Variants in NAV2 observed in about 807,000 individuals in gnomAD.
NAV2 encodes the protein helicase, APC down-regulated 1.
Under a neutral mutation model 223.2 loss-of-function variants are expected in NAV2, and 54 were observed. That is an observed-to-expected ratio of 0.24 (90% confidence interval 0.19 to 0.30). NAV2 has a LOEUF of 0.30. Among genes scored for constraint, NAV2 ranks in the 10% least tolerant of loss-of-function variants. The pLI, the probability that NAV2 is intolerant of heterozygous loss-of-function variation, is 1.00. For synonymous variants in NAV2, 1,279 were observed against 1,239.3 expected (o/e 1.03, Z -0.67); for missense variants, 2,806 against 3,147.5 (o/e 0.89, Z 2.60).
intron 1 of NAV2, among the ~76,000 whole-genome samples, chr11:19,465,210 T>C (rs376422675): frequency 4.6e-5 from 7 of 152,120 alleles, no homozygotes; most frequent in East Asian, 1.9e-4. Context: ...TCATTGCTCC[T>C]GAGGTTGTGT....
intron 1 of NAV2, chr11:19,777,936 A>G (rs1416013547): frequency 2.2e-6 from 1 of 455,386 alleles, no homozygotes; most frequent in Non-Finnish European, 4.4e-6. Flanking sequence ...ATGGCTATTG[A>G]TCTCTACTGC....
intron 1 of NAV2, among the ~76,000 whole-genome samples, chr11:19,558,118 T>G (rs546614304): frequency 2.7e-4 from 41 of 152,236 alleles, no homozygotes; most frequent in Non-Finnish European, 4.0e-4. Context: ...ATAACTTACT[T>G]AAGTTTTCTG....
At position 20,083,011 on chromosome 11, in the gene NAV2, G is replaced by A. The variant is rs1333833961; in HGVS notation, c.5330G>A (p.Arg1777His). 15 of 1,612,174 alleles carry A rather than the reference G, an allele frequency of 9.3e-6. No individual in the cohort carries two copies. The highest frequency in any genetic ancestry group is 1.7e-5 in the Admixed American group (1 of 59,920). The part of the protein sequence containing the change: ...SKKKKRKNWL[R>H]SSFKQAFGKK... ...CTGACAGTCTTGTATATTCAGTTAC[G>A]CAGCTCCTTCAAGCAAGCTTTCGGG... Residue 1777 changes from arginine to histidine, a missense_variant, in exon 26 of 38, where the codon CGC becomes CAC. Physicochemically the swap from Arg to His is conservative, Grantham distance 29. Transcript: ENST00000349880.
At chr11:19,679,282 T>A (rs1051997749) in intron 1 of NAV2, among the ~76,000 whole-genome samples, 2 of 151,986 alleles carry the variant, frequency 1.3e-5, no homozygotes, top group African/African-American at 2.4e-5. Context: ...AATACAAAAT[T>A]TATCTGGACG....
At chr11:19,916,612 C>T (rs911189276) in intron 6 of NAV2, among the ~76,000 whole-genome samples, 7 of 152,212 alleles carry the variant, frequency 4.6e-5, no homozygotes, top group South Asian at 2.1e-4. Flanking sequence ...GTATCACATA[C>T]TGGAGATAAA....
chr11:19,872,307 G>A (rs1347631306), intron 4 of NAV2, among the ~76,000 whole-genome samples: 1 of 152,106 alleles, frequency 6.6e-6, no homozygotes, highest in East Asian at 1.9e-4. Context: ...ACCTTATGGG[G>A]TCAGTATTAG....
At chr11:19,441,064 C>T (rs1321805658) in intron 1 of NAV2, among the ~76,000 whole-genome samples, 1 of 152,080 alleles carries the variant, frequency 6.6e-6, no homozygotes, top group East Asian at 1.9e-4. Flanking sequence ...TGGAAGGGCA[C>T]ATAAAGGAGA....
At chr11:19,668,164 A>T (rs2048470333) in intron 1 of NAV2, among the ~76,000 whole-genome samples, 1 of 152,190 alleles carries the variant, frequency 6.6e-6, no homozygotes, top group Non-Finnish European at 1.5e-5. Context: ...AATGTTACAA[A>T]AGAGAACATT....
intron 1 of NAV2, among the ~76,000 whole-genome samples, chr11:19,519,311 C>T (rs2043566992): frequency 6.6e-6 from 1 of 152,040 alleles, no homozygotes; most frequent in Non-Finnish European, 1.5e-5. Context: ...CACAGTTCTG[C>T]CTTCATGCAG....
intron 1 of NAV2, among the ~76,000 whole-genome samples, chr11:19,466,975 C>CTG (rs1401719941): frequency 8.7e-6 from 1 of 114,914 alleles, no homozygotes; most frequent in Non-Finnish European, 1.9e-5. Context: ...TCTCTCTTCT[C>CTG]TCTCTCTCTA....
At chr11:19,378,413 A>G (rs567388053) in intron 1 of NAV2, among the ~76,000 whole-genome samples, 1 of 151,938 alleles carries the variant, frequency 6.6e-6, no homozygotes, top group African/African-American at 2.4e-5. Flanking sequence ...CATCCTCCTG[A>G]TGAGAGACAC....
intron 1 of NAV2, among the ~76,000 whole-genome samples, chr11:19,779,295 C>G (rs771690250): frequency 6.6e-6 from 1 of 152,168 alleles, no homozygotes; most frequent in Non-Finnish European, 1.5e-5. Context: ...GTTTCTGTCC[C>G]GTGTATCCCA....
chr11:19,462,386 C>A (rs1564955985), intron 1 of NAV2, among the ~76,000 whole-genome samples: 2 of 152,180 alleles, frequency 1.3e-5, no homozygotes, highest in African/African-American at 4.8e-5. Context: ...GGTGGGGAAG[C>A]TGAGATTCAG....
chr11:19,457,497 G>C (rs1168202757), intron 1 of NAV2, among the ~76,000 whole-genome samples: 1 of 152,218 alleles, frequency 6.6e-6, no homozygotes, highest in East Asian at 1.9e-4. Context: ...GAGGGGCAAA[G>C]CCAGATTGTG....
At chr11:19,552,374 C>T (rs902583995) in intron 1 of NAV2, among the ~76,000 whole-genome samples, 3 of 152,172 alleles carry the variant, frequency 2.0e-5, no homozygotes, top group African/African-American at 4.8e-5. Context: ...TGCCTCTCTA[C>T]ACTTCTCTGA....
intron 6 of NAV2, among the ~76,000 whole-genome samples, chr11:19,902,557 C>T (rs887572526): frequency 6.6e-6 from 1 of 152,152 alleles, no homozygotes; most frequent in African/African-American, 2.4e-5. Context: ...TTAGTCTTGT[C>T]TCAGGAATTG....
intron 4 of NAV2, among the ~76,000 whole-genome samples, chr11:19,872,637 T>G (rs2062586610): frequency 6.6e-6 from 1 of 152,248 alleles, no homozygotes. Flanking sequence ...ATCTCCACCC[T>G]TTCCCAGTCT....
intron 1 of NAV2, among the ~76,000 whole-genome samples, chr11:19,811,422 A>G (rs1004022547): frequency 6.6e-6 from 1 of 152,186 alleles, no homozygotes; most frequent in Non-Finnish European, 1.5e-5. Context: ...TTTCATGCTC[A>G]CAATGAAGGT....
intron 2 of NAV2, among the ~76,000 whole-genome samples, chr11:19,840,926 C>T (rs1051918195): frequency 6.6e-6 from 1 of 152,174 alleles, no homozygotes; most frequent in African/African-American, 2.4e-5. Flanking sequence ...AATCTCTATT[C>T]TTATGAAGTT....
Sources: allele counts gnomAD v4.1 joint callset (sites outside exome capture counted in the v4.1 genomes callset), GRCh38; gene constraint gnomAD v4.1.1; transcripts MANE v1.5; gene names NCBI Gene and HGNC (gene_info 2026-07-23, HGNC 2026-07-21).